Variants in C22orf39 observed in about 807,000 individuals in gnomAD.
C22orf39 encodes chromosome 22 open reading frame 39, also known as synaptic plasticity regulator PANTS.
Under a neutral mutation model 18.3 loss-of-function variants are expected in C22orf39, and 20 were observed. The observed-to-expected ratio is 1.09, with a 90% confidence interval of 0.77 to 1.59. C22orf39 has a LOEUF of 1.59. Ranked by LOEUF, C22orf39 falls within the 40% of genes most tolerant of loss-of-function variation. The pLI, the probability that C22orf39 is intolerant of heterozygous loss-of-function variation, is 0.00. For missense variants in C22orf39, 195 were observed against 156.1 expected, an observed-to-expected ratio of 1.25 and a Z score of -1.33; for synonymous variants, 63 against 59.6, an observed-to-expected ratio of 1.06 and a Z score of -0.26.
chr22:19,447,462 G>C lies in C22orf39; in HGVS notation c.108C>G (p.His36Gln), dbSNP rs1434652269. ...ACTGTTCGCAGGCCGGCCGCTCGCC[G>C]TGGACGTAGTAGTGGTGTAGGAAGT... ...ARHFLHHYYV[H>Q]GERPACEQWQ... is the part of the protein sequence containing the mutation. Residue 36 changes from histidine to glutamine, a missense_variant, in exon 2 of 3, where the codon CAC becomes CAG. Physicochemically the swap from His to Gln is conservative, Grantham distance 24 (BLOSUM62 0). Coordinates refer to ENST00000399562, the MANE Select transcript of C22orf39 (RefSeq NM_173793.5). The C allele has an allele frequency of 1.3e-6, 2 of 1,517,748 alleles. No individual in the cohort carries two copies. Among genetic ancestry groups the C allele is most frequent in the Admixed American group, 2.0e-5 (1 of 48,920 alleles). The allele number at this position is 1,517,748 out of a possible 1,614,324, so 94.0% of individuals were successfully genotyped here. A position where few individuals can be genotyped will look rare whatever the true frequency, so the allele number is the denominator to read the frequency against.
Position 19,443,549 on chromosome 22 carries a change from G to C in C22orf39, c.*716C>G. On this transcript the variant is annotated 3_prime_UTR_variant, in exon 3 of 3. Transcript: ENST00000399562. ...TACATTAACCACCAGGGGAAATTTT[G>C]AGGGAAGGAGTGCTTAATTCCATAT... 1 of 985,646 alleles carries C rather than the reference G, an allele frequency of 1.0e-6. No individual in the cohort carries two copies. The highest frequency in any genetic ancestry group is 1.1e-4 in the East Asian group (1 of 8,812). 61.1% of individuals were successfully genotyped at this position (985,646 alleles called of 1,614,324 possible).
chr22:19,446,620 T>C (rs1004902426), intron 2 of C22orf39, among the ~76,000 whole-genome samples: 1 of 152,204 alleles, frequency 6.6e-6, no homozygotes, highest in South Asian at 2.1e-4. Context: ...AAAAAACAAC[T>C]AGAACCACCT....
At chr22:19,445,787 ATC>A (rs2089636324) in intron 2 of C22orf39, among the ~76,000 whole-genome samples, 2 of 151,838 alleles carry the variant, frequency 1.3e-5, no homozygotes, top group South Asian at 4.2e-4. Context: ...CAATTCTCCT[ATC>A]TCAGCCTCCC....
intron 2 of C22orf39, among the ~76,000 whole-genome samples, chr22:19,445,985 T>A (rs1170594716): frequency 6.6e-6 from 1 of 152,172 alleles, no homozygotes; most frequent in Non-Finnish European, 1.5e-5. Context: ...TTTCTCCTTT[T>A]TTATTATTTT....
At chr22:19,447,278 C>G (rs1219460582) in intron 2 of C22orf39, 100 bp downstream of exon 2, 3 of 1,237,132 alleles carry the variant, frequency 2.4e-6, no homozygotes, top group Non-Finnish European at 2.1e-6. Flanking sequence ...GGGACCCCGT[C>G]AGTCCCCGGC....
Position 19,444,329 on chromosome 22 carries a change from C to A in C22orf39, c.254G>T (p.Trp85Leu). Reference protein sequence around the residue: ...VRAARKHILVWAPRQSPPPDW... With the variant: ...VRAARKHILVLAPRQSPPPDW... ...TGGAGGGGGGCTCTGCCTCGGGGCC[C>A]ACACCAGGATGTGCTTCCGTGCAGC... Residue 85 changes from tryptophan (W) to leucine (L), a missense_variant, in exon 3 of 3, where the codon TGG (tryptophan) becomes TTG (leucine). Coordinates refer to ENST00000399562, the MANE Select transcript of C22orf39 (RefSeq NM_173793.5). 1 of 1,601,368 alleles carries A rather than the reference C, an allele frequency of 6.2e-7. No homozygotes were observed. The highest frequency in any genetic ancestry group is 8.5e-7 in the Non-Finnish European group (1 of 1,175,384).
At position 19,442,949 on chromosome 22, in the gene C22orf39, C is replaced by T. The variant is rs885975; in HGVS notation, c.*1316G>A. On this transcript the variant is annotated 3_prime_UTR_variant, in exon 3 of 3. Transcript: ENST00000399562. ...TCTCTTCCCTCACTGGGTGGAAATG[C>T]TCATTATTAAACCAGCCACAGCCAT... 0.79 allele frequency: 128,982 copies of T among 162,320 alleles called. 51,383 individuals are homozygous for T. Among genetic ancestry groups the T allele is most frequent in the South Asian group, 0.88 (4,457 of 5,042 alleles). The allele number at this position is 162,320 out of a possible 1,614,324, so 10.1% of individuals were successfully genotyped here.
chr22:19,446,989 C>T (rs1180706410), intron 2 of C22orf39, among the ~76,000 whole-genome samples: 1 of 152,202 alleles, frequency 6.6e-6, no homozygotes, highest in Non-Finnish European at 1.5e-5. Context: ...CAACCATCCA[C>T]CTACCCTCTG....
intron 2 of C22orf39, among the ~76,000 whole-genome samples, 158 bp from the exon 3 acceptor site, chr22:19,444,548 C>T (rs754540505): frequency 2.0e-5 from 3 of 152,202 alleles, no homozygotes; most frequent in Non-Finnish European, 4.4e-5. Flanking sequence ...TATACCTTGG[C>T]GATTCTTCCA....
At chr22:19,447,569 G>A in intron 1 of C22orf39, 24 bp from the exon 2 acceptor site, 1 of 1,400,514 alleles carries the variant, frequency 7.1e-7, no homozygotes, top group Non-Finnish European at 9.2e-7. Context: ...CGGCGCCTGA[G>A]CGGGGCCCGG....
rs976133770 is a variant in C22orf39 at position 19,443,135 on chromosome 22, G to T, written c.*1130C>A. The T allele has an allele frequency of 3.1e-6, 3 of 982,832 alleles. No homozygotes were observed. The highest frequency in any genetic ancestry group is 3.6e-6 in the Non-Finnish European group (3 of 828,384). 60.9% of individuals were successfully genotyped at this position (982,832 alleles called of 1,614,324 possible). A position where few individuals can be genotyped will look rare whatever the true frequency, so the allele number is the denominator to read the frequency against. On this transcript the variant is annotated 3_prime_UTR_variant, in exon 3 of 3. Coordinates refer to ENST00000399562, the MANE Select transcript of C22orf39 (RefSeq NM_173793.5). ...ACAGGGGCTCTTAGGGAGCACAGGAGAAAACACACTCAAGCAGGGAAATAC... is the reference window on the plus strand; with the variant it reads ...ACAGGGGCTCTTAGGGAGCACAGGATAAAACACACTCAAGCAGGGAAATAC...
rs1324494491 is a variant in C22orf39 at position 19,443,539 on chromosome 22, G to C, written c.*726C>G. On this transcript the variant is annotated 3_prime_UTR_variant, in exon 3 of 3. Transcript: ENST00000399562. ...TAGCTTTTGATACATTAACCACCAG[G>C]GGAAATTTTGAGGGAAGGAGTGCTT... 5.1e-6 allele frequency: 5 copies of C among 985,618 alleles called. No homozygotes were observed. The African/African-American group carries it at 8.7e-5, about 17-fold the overall frequency. The allele number at this position is 985,618 out of a possible 1,614,324, so 61.1% of individuals were successfully genotyped here.
Position 19,444,211 on chromosome 22 carries a change from C to T in C22orf39, c.*54G>A. ...GGTCACAGTCCCCAGGGCTGTGCAA[C>T]AGCAACTTGAAACAGACTGAGGAAG... On this transcript the variant is annotated 3_prime_UTR_variant, in exon 3 of 3. Transcript: ENST00000399562. 6.6e-7 allele frequency: 1 copy of T among 1,512,490 alleles called. No individual in the cohort carries two copies. Among genetic ancestry groups the T allele is most frequent in the Non-Finnish European group, 8.8e-7 (1 of 1,137,490 alleles). The allele number at this position is 1,512,490 out of a possible 1,614,324, so 93.7% of individuals were successfully genotyped here. A position where few individuals can be genotyped will look rare whatever the true frequency, so the allele number is the denominator to read the frequency against.
chr22:19,445,908 A>C (rs567371832), intron 2 of C22orf39, among the ~76,000 whole-genome samples: 2 of 152,268 alleles, frequency 1.3e-5, no homozygotes, highest in South Asian at 4.1e-4. Flanking sequence ...TCCTGACCTC[A>C]GGTGATCTGC....
In C22orf39 at chr22:19,441,315, G is replaced by A. The variant is rs2089611349; in HGVS notation, c.*2950C>T. Reference sequence around the variant, plus strand: ...AATCCTGCTACATGTATGTTTTCAAGATTGGCTGTTTTTGCTCTGAAGAAT... The same window carrying A: ...AATCCTGCTACATGTATGTTTTCAAAATTGGCTGTTTTTGCTCTGAAGAAT... On this transcript the variant is annotated 3_prime_UTR_variant, in exon 3 of 3. Coordinates refer to ENST00000399562, the MANE Select transcript of C22orf39 (RefSeq NM_173793.5). 3.8e-6 allele frequency: 1 copy of A among 262,244 alleles called. No homozygotes were observed. The highest frequency in any genetic ancestry group is 2.2e-5 in the African/African-American group (1 of 45,044). 16.2% of individuals were successfully genotyped at this position (262,244 alleles called of 1,614,324 possible). A position where few individuals can be genotyped will look rare whatever the true frequency, so the allele number is the denominator to read the frequency against.
At position 19,444,105 on chromosome 22, in the gene C22orf39, G is replaced by A; in HGVS notation, c.*160C>T. 1 of 1,355,062 alleles carries A rather than the reference G, an allele frequency of 7.4e-7. No homozygotes were observed. The highest frequency in any genetic ancestry group is 9.4e-7 in the Non-Finnish European group (1 of 1,062,002). The allele number at this position is 1,355,062 out of a possible 1,614,324, so 83.9% of individuals were successfully genotyped here. A position where few individuals can be genotyped will look rare whatever the true frequency, so the allele number is the denominator to read the frequency against. ...AGGGTATCCTGCATGCAGGTGAGGG[G>A]TGGGCAAGTAGGGCTAGCAATGTCC... is the stretch of plus-strand genomic sequence containing the variant. On this transcript the variant is annotated 3_prime_UTR_variant, in exon 3 of 3. Coordinates refer to ENST00000399562, the MANE Select transcript of C22orf39 (RefSeq NM_173793.5).
rs200847210 is a variant in C22orf39 at position 19,441,708 on chromosome 22, T to C, written c.*2557A>G. On this transcript the variant is annotated 3_prime_UTR_variant, in exon 3 of 3. Transcript: ENST00000399562. Reference sequence around the variant, plus strand: ...CACACTTAGCACCTGTCCAAAAAGTTTGAAAGATATTGCTCTTATTACAGT... The same window carrying C: ...CACACTTAGCACCTGTCCAAAAAGTCTGAAAGATATTGCTCTTATTACAGT... 2,415 of 1,549,792 alleles carry C rather than the reference T, an allele frequency of 1.6e-3. 9 individuals are homozygous for C. The highest frequency in any genetic ancestry group is 1.6e-3 in the Non-Finnish European group (1,782 of 1,146,130).
chr22:19,447,047 CTGGA>C (rs953171107), intron 2 of C22orf39, among the ~76,000 whole-genome samples: 9 of 152,276 alleles, frequency 5.9e-5, no homozygotes, highest in Admixed American at 2.0e-4. Context: ...TCTACCGGGG[CTGGA>C]TGAAGGCTGG....
intron 1 of C22orf39, 30 bp downstream of exon 1, chr22:19,447,635 T>A: frequency 6.2e-7 from 1 of 1,606,324 alleles, no homozygotes; most frequent in Non-Finnish European, 8.5e-7. Context: ...AAGACCCCGG[T>A]GGTTCCCGGC....
Sources: allele counts gnomAD v4.1 joint callset (sites outside exome capture counted in the v4.1 genomes callset), GRCh38; gene constraint gnomAD v4.1.1; transcripts MANE v1.5; gene names NCBI Gene and HGNC (gene_info 2026-07-23, HGNC 2026-07-21).